TNNI3K: variants seen among roughly 807,000 people sequenced by gnomAD.
TNNI3K encodes the protein serine/threonine-protein kinase TNNI3K.
Under a neutral mutation model 114.5 loss-of-function variants are expected in TNNI3K, and 140 were observed. The observed-to-expected ratio is 1.22, with a 90% CI of 1.07 to 1.41. The LOEUF (loss-of-function observed/expected upper bound fraction) is 1.41. Ranked by LOEUF, TNNI3K falls within the 40% of genes most tolerant of loss-of-function variation. The pLI is 0.00. For synonymous variants in TNNI3K, 347 were observed against 347.5 expected, an observed-to-expected ratio of 1.00 and a Z score of 0.02; for missense variants, 1,125 against 1,007.6, an observed-to-expected ratio of 1.12 and a Z score of -1.58.
chr1:74,524,289 G>C (rs1430498672), intron 23 of TNNI3K, among the ~76,000 whole-genome samples: 3 of 152,196 alleles, frequency 2.0e-5, no homozygotes, highest in Non-Finnish European at 2.9e-5. Flanking sequence ...GATGGTTATG[G>C]TAACATGCAA....
At chr1:74,356,477 C>T (rs1440900816) in intron 11 of TNNI3K, among the ~76,000 whole-genome samples, 1 of 152,148 alleles carries the variant, frequency 6.6e-6, no homozygotes, top group Non-Finnish European at 1.5e-5. Flanking sequence ...TCTGAAATCT[C>T]AGGAGGCCTT....
At chr1:74,329,875 A>C (rs1660106808) in intron 5 of TNNI3K, among the ~76,000 whole-genome samples, 2 of 152,076 alleles carry the variant, frequency 1.3e-5, no homozygotes, top group Non-Finnish European at 2.9e-5. Flanking sequence ...ACATGACTTA[A>C]GCGGCAATTT....
Position 74,463,495 on chromosome 1 carries a change from C to G in TNNI3K, c.2066C>G (p.Ser689Cys), listed in dbSNP as rs768106865. The change falls in exon 21 of 25, where the codon TCC (serine) becomes TGC (cysteine). Residue 689 changes from serine to cysteine, a missense_variant. Ser to Cys is a moderately radical substitution (Grantham distance 112). Transcript: ENST00000326637. The part of the protein sequence containing the change: ...YHHIRPPIGY[S>C]IPKPISSLLI... ...CACATCAGACCTCCCATTGGCTATT[C>G]CATTCCCAAGCCCATATCATCTCTG... 6.2e-7 allele frequency: 1 copy of G among 1,614,212 alleles called. No individual in the cohort carries two copies. Among genetic ancestry groups the G allele is most frequent in the Non-Finnish European group, 8.5e-7 (1 of 1,180,044 alleles).
intron 11 of TNNI3K, among the ~76,000 whole-genome samples, chr1:74,357,593 G>C (rs1480884733): frequency 1.3e-5 from 2 of 152,118 alleles, no homozygotes; most frequent in Non-Finnish European, 2.9e-5. Flanking sequence ...TGTGGAATCA[G>C]ATATAAAGAA....
chr1:74,291,462 A>T (rs1372319699), intron 5 of TNNI3K, among the ~76,000 whole-genome samples: 3 of 151,562 alleles, frequency 2.0e-5, no homozygotes, highest in Admixed American at 1.3e-4. Context: ...TAAGCACATT[A>T]TACAGATTAT....
intron 5 of TNNI3K, among the ~76,000 whole-genome samples, chr1:74,272,428 G>T (rs1656408426): frequency 6.6e-6 from 1 of 151,892 alleles, no homozygotes; most frequent in Non-Finnish European, 1.5e-5. Flanking sequence ...CTGAAAGGAG[G>T]TCATATAGGA....
At position 74,370,273 on chromosome 1, in the gene TNNI3K, A is replaced by G. The variant is rs776383665; in HGVS notation, c.1668-15A>G. On this transcript the variant is annotated splice_polypyrimidine_tract_variant and intron_variant, in intron 16 of 24. Coordinates refer to ENST00000326637, the MANE Select transcript of TNNI3K (RefSeq NM_015978.3). The stretch of plus-strand genomic sequence containing the variant: ...TGACCATTTCATCTCTGTTAAATCT[A>G]TTTTTAAATTCTAGGATTCTTGATT... The G allele has an allele frequency of 1.9e-6, 3 of 1,576,698 alleles. No homozygotes were observed. Among genetic ancestry groups the G allele is most frequent in the African/African-American group, 2.7e-5 (2 of 73,486 alleles).
At chr1:74,295,179 T>C (rs1292108005) in intron 5 of TNNI3K, among the ~76,000 whole-genome samples, 1 of 98 alleles carries the variant, frequency 0.01, no homozygotes, top group Non-Finnish European at 0.05. Flanking sequence ...TTACTAATTA[T>C]TTTTTTACTT....
At chr1:74,272,133 C>A (rs570421404) in intron 5 of TNNI3K, among the ~76,000 whole-genome samples, 1 of 151,988 alleles carries the variant, frequency 6.6e-6, no homozygotes, top group East Asian at 1.9e-4. Context: ...AATGAAAAAT[C>A]ATTCACTCAT....
In TNNI3K at chr1:74,544,156, C is replaced by A; in HGVS notation, c.*174C>A. 1.7e-6 allele frequency: 1 copy of A among 597,140 alleles called. No individual in the cohort carries two copies. Among genetic ancestry groups the A allele is most frequent in the Non-Finnish European group, 2.7e-6 (1 of 364,528 alleles). The allele number at this position is 597,140 out of a possible 1,614,324, so 37.0% of individuals were successfully genotyped here. On this transcript the variant is annotated 3_prime_UTR_variant, in exon 25 of 25. Coordinates refer to ENST00000326637, the MANE Select transcript of TNNI3K (RefSeq NM_015978.3). ...ACTATTAGCAGGCTTTGGATTTGTG[C>A]CTAAGGAATAATATGCAAAAGAACC...
intron 17 of TNNI3K, among the ~76,000 whole-genome samples, chr1:74,380,079 A>G (rs1663120377): frequency 6.6e-6 from 1 of 152,130 alleles, no homozygotes; most frequent in African/African-American, 2.4e-5. Flanking sequence ...TATTGCTTGC[A>G]TAAACCTGGA....
intron 2 of TNNI3K, among the ~76,000 whole-genome samples, chr1:74,242,218 G>T (rs1477315233): frequency 6.6e-6 from 1 of 152,062 alleles, no homozygotes; most frequent in East Asian, 1.9e-4. Context: ...GCATTGAGTA[G>T]ATACATCTTG....
chr1:74,464,667 A>G, intron 21 of TNNI3K: 3 of 1,596,514 alleles, frequency 1.9e-6, no homozygotes, highest in Non-Finnish European at 2.6e-6. Flanking sequence ...ACCCAGTCTC[A>G]TCTGTGTACA....
intron 5 of TNNI3K, among the ~76,000 whole-genome samples, chr1:74,309,553 T>G (rs1658862882): frequency 6.6e-6 from 1 of 151,418 alleles, no homozygotes; most frequent in Non-Finnish European, 1.5e-5. Context: ...TATATAAAAG[T>G]CTTCAACAAT....
intron 18 of TNNI3K, 24 bp downstream of exon 18, chr1:74,436,156 C>T: frequency 6.2e-7 from 1 of 1,606,904 alleles, no homozygotes; most frequent in Non-Finnish European, 8.5e-7. Flanking sequence ...AAATGGCATC[C>T]TTTTTTTCTT....
chr1:74,493,614 A>G (rs182926105), intron 23 of TNNI3K, among the ~76,000 whole-genome samples: 156 of 152,252 alleles, frequency 1.0e-3, no homozygotes, highest in African/African-American at 3.5e-3. Flanking sequence ...AATCATAATC[A>G]TTTATTTCTT....
chr1:74,400,797 C>G (rs911824421), intron 17 of TNNI3K, among the ~76,000 whole-genome samples: 2 of 152,154 alleles, frequency 1.3e-5, no homozygotes, highest in East Asian at 3.9e-4. Flanking sequence ...TCATGTACCC[C>G]AGGCTGATGT....
Position 74,367,484 on chromosome 1 carries a change from T to A in TNNI3K, c.1264+142T>A, listed in dbSNP as rs1458015052. 3 of 874,044 alleles carry A rather than the reference T, an allele frequency of 3.4e-6. No individual in the cohort carries two copies. The African/African-American group carries it at 5.2e-5, about 15-fold the overall frequency. The allele number at this position is 874,044 out of a possible 1,614,324, so 54.1% of individuals were successfully genotyped here. A position where few individuals can be genotyped will look rare whatever the true frequency, so the allele number is the denominator to read the frequency against. ...CAGATTAGATTTATTTTAAGTAACC[T>A]TATGTCTGGGAGAGGCTGAACATAA... On this transcript the variant is annotated intron_variant, in intron 12 of 24. Coordinates refer to ENST00000326637, the MANE Select transcript of TNNI3K (RefSeq NM_015978.3).
chr1:74,488,569 A>T (rs1668883050), intron 21 of TNNI3K, among the ~76,000 whole-genome samples: 1 of 152,198 alleles, frequency 6.6e-6, no homozygotes, highest in Non-Finnish European at 1.5e-5. Flanking sequence ...AATCATTTTT[A>T]TATCCCTTGC....
Sources: gnomAD v4.1 joint callset for allele counts (sites outside exome capture counted in the v4.1 genomes callset) on GRCh38, gnomAD v4.1.1 for gene constraint, MANE v1.5 for transcripts, NCBI Gene and HGNC (gene_info 2026-07-23, HGNC 2026-07-21) for gene names.